Variants in ABCB4 observed in about 807,000 individuals in gnomAD.
The protein encoded by ABCB4 is ATP binding cassette subfamily B member 4.
Under a neutral mutation model 145.7 loss-of-function variants are expected in ABCB4, and 76 were observed. That is an observed-to-expected ratio of 0.52 (90% CI 0.43 to 0.63). ABCB4 has a LOEUF of 0.63. ABCB4 is among the 30% of genes least tolerant of loss of function. ABCB4 has a pLI of 0.00. For synonymous variants in ABCB4, 517 were observed against 566.8 expected (o/e 0.91, Z 1.25); for missense variants, 1,234 against 1,553.1 (o/e 0.79, Z 3.45).
chr7:87,391,420 T>G, the ABCB4 span, among the ~76,000 whole-genome samples: 2 of 152,160 alleles, frequency 1.3e-5, no homozygotes, highest in Non-Finnish European at 2.9e-5. Context: ...TCAGAGTATT[T>G]TTTGCTCTTT....
chr7:87,400,605 G>A (rs1021617028), downstream of ABCB4, among the ~76,000 whole-genome samples: 3 of 152,128 alleles, frequency 2.0e-5, no homozygotes, highest in Admixed American at 6.5e-5. Flanking sequence ...ACTAGATAGC[G>A]AGGACATTTA....
In ABCB4 at chr7:87,475,408, C is replaced by A; in HGVS notation, c.58G>T (p.Asp20Tyr). 1 of 1,614,216 alleles carries A rather than the reference C, an allele frequency of 6.2e-7. No individual in the cohort carries two copies. The highest frequency in any genetic ancestry group is 1.1e-5 in the South Asian group (1 of 91,080). ...TACCTGCTGATGCCCAGTTCAAAGT[C>A]GCCCTCCGCGCTCGTGGGGCGCCAG... ...TAWRPTSAEG[D>Y]FELGISSKQK... is the part of the protein sequence containing the mutation. Residue 20 changes from aspartate to tyrosine, a missense_variant, in exon 2 of 28, where the codon GAC (aspartate) becomes TAC (tyrosine). Around this residue, in one of 7 missense-constraint regions of ABCB4, gnomAD observed 77 missense variants for 73.3 expected, o/e 1.05. Transcript: ENST00000649586.
At chr7:87,367,032 C>G in the ABCB4 span, among the ~76,000 whole-genome samples, 1 of 152,132 alleles carries the variant, frequency 6.6e-6, no homozygotes, top group Non-Finnish European at 1.5e-5. Flanking sequence ...TGACATTTAC[C>G]AGCCTTTCAG....
the ABCB4 span, among the ~76,000 whole-genome samples, chr7:87,370,816 T>C: frequency 6.6e-6 from 1 of 152,222 alleles, no homozygotes; most frequent in Non-Finnish European, 1.5e-5. Flanking sequence ...GGTGTACACA[T>C]GCATGTATTT....
chr7:87,463,416 A>G (rs868846723), intron 3 of ABCB4, among the ~76,000 whole-genome samples: 1 of 152,232 alleles, frequency 6.6e-6, no homozygotes, highest in South Asian at 2.1e-4. Context: ...GTGAAGCACA[A>G]TAAACATTAC....
chr7:87,426,646 G>T (rs1413341568), intron 16 of ABCB4, 104 bp downstream of exon 16: 2 of 1,152,326 alleles, frequency 1.7e-6, no homozygotes, highest in East Asian at 2.4e-5. Flanking sequence ...ATGGCTCATA[G>T]TAGCAGTCAT....
intron 27 of ABCB4, among the ~76,000 whole-genome samples, chr7:87,402,524 A>T (rs575612035): frequency 6.6e-6 from 1 of 152,198 alleles, no homozygotes. Context: ...GCTGTAAAAA[A>T]ATTCATAAGT....
intron 25 of ABCB4, among the ~76,000 whole-genome samples, chr7:87,407,483 G>A (rs45616937): frequency 2.0e-5 from 3 of 152,300 alleles, no homozygotes; most frequent in Non-Finnish European, 4.4e-5. Context: ...CTGTCCCAAG[G>A]TTATGGCAGA....
chr7:87,452,881 TTGACA>T (rs1211728240), intron 6 of ABCB4, 58 bp downstream of exon 6: 6 of 1,545,044 alleles, frequency 3.9e-6, no homozygotes, highest in Non-Finnish European at 5.4e-6. Context: ...AAATCTTTCC[TTGACA>T]TATTTTCACA....
chr7:87,414,152 A>G (rs45612633), intron 21 of ABCB4, among the ~76,000 whole-genome samples: 66 of 152,194 alleles, frequency 4.3e-4, no homozygotes, highest in Non-Finnish European at 7.1e-4. Flanking sequence ...CCTGAGTATA[A>G]CTTCTTATAA....
intron 4 of ABCB4, among the ~76,000 whole-genome samples, chr7:87,456,207 G>A (rs1812090831): frequency 6.6e-6 from 1 of 152,100 alleles, no homozygotes; most frequent in South Asian, 2.1e-4. Context: ...CTGAAAAATT[G>A]GGTGAAATCT....
At chr7:87,466,978 G>T (rs1812950195) in intron 3 of ABCB4, among the ~76,000 whole-genome samples, 1 of 152,196 alleles carries the variant, frequency 6.6e-6, no homozygotes, top group South Asian at 2.1e-4. Context: ...AGGCTAGGAA[G>T]AAACTGCATC....
At chr7:87,392,967 G>T in the ABCB4 span, 5 of 1,613,518 alleles carry the variant, frequency 3.1e-6, no homozygotes, top group East Asian at 2.2e-5. Context: ...TGGAAATTTT[G>T]TTCTCTCAAC....
rs374982234 is a variant in ABCB4 at position 87,443,387 on chromosome 7, T to G, written c.1288A>C (p.Ser430Arg). 3.1e-6 allele frequency: 5 copies of G among 1,614,034 alleles called. No homozygotes were observed. Among genetic ancestry groups the G allele is most frequent in the Non-Finnish European group, 4.2e-6 (5 of 1,180,020 alleles). ...GTTGTGCTCTTCCCACAGCCACTACTTCCAACCAGGGCCACCGTCTGCCCA... is the reference window on the plus strand; with the variant it reads ...GTTGTGCTCTTCCCACAGCCACTACGTCCAACCAGGGCCACCGTCTGCCCA... ...QSGQTVALVG[S>R]SGCGKSTTVQ... The change falls in exon 12 of 28, where the codon AGT (serine) becomes CGT (arginine). Residue 430 changes from serine to arginine, a missense_variant. Ser to Arg is a moderately radical substitution (Grantham distance 110, BLOSUM62 -1). Transcript: ENST00000649586.
the ABCB4 span, chr7:87,375,362 T>C: frequency 2.9e-6 from 1 of 349,424 alleles, no homozygotes; most frequent in Non-Finnish European, 5.3e-6. Flanking sequence ...TGCATGCACA[T>C]TTCCAAAGTA....
the ABCB4 span, chr7:87,392,441 T>C: frequency 1.4e-5 from 10 of 722,542 alleles, no homozygotes; most frequent in Non-Finnish European, 1.5e-5. Flanking sequence ...GTATGTGTTA[T>C]AGATCTTCCT....
chr7:87,460,745 G>A (rs1584779389), intron 4 of ABCB4, among the ~76,000 whole-genome samples: 1 of 151,802 alleles, frequency 6.6e-6, no homozygotes, highest in South Asian at 2.1e-4. Context: ...CCACCTCCTG[G>A]GTTCAAGCAA....
At chr7:87,408,299 T>C in intron 24 of ABCB4, 65 bp from the exon 25 acceptor site, 1 of 1,501,182 alleles carries the variant, frequency 6.7e-7, no homozygotes, top group South Asian at 1.2e-5. Flanking sequence ...AGAAATATTA[T>C]TTCAAGGAAA....
intron 9 of ABCB4, 121 bp from the exon 10 acceptor site, chr7:87,445,096 T>A (rs1811255892): frequency 1.4e-6 from 1 of 732,662 alleles, no homozygotes; most frequent in Non-Finnish European, 2.3e-6. Flanking sequence ...CTTTCCTTTT[T>A]TTTTTGTGGA....
Sources: gnomAD v4.1 joint callset for allele counts (sites outside exome capture counted in the v4.1 genomes callset) on GRCh38, gnomAD v4.1.1 for gene constraint, gnomAD v4.1.1 regional missense constraint, MANE v1.5 for transcripts, NCBI Gene and HGNC (gene_info 2026-07-23, HGNC 2026-07-21) for gene names.